Variants in ASTL observed in about 807,000 individuals in gnomAD.
The protein encoded by ASTL is astacin-like metalloendopeptidase.
Under a neutral mutation model 36.7 loss-of-function variants are expected in ASTL, and 27 were observed. The ratio of observed to expected loss-of-function variants is 0.73; its 90% CI spans 0.54 to 1.01. ASTL has a LOEUF of 1.01. ASTL is among the 50% of genes least tolerant of loss of function. The probability of loss-of-function intolerance (pLI) is 0.00; values close to 1 mark genes in which losing one functional copy is unlikely to be tolerated. For synonymous variants in ASTL, 222 were observed against 228.1 expected, an observed-to-expected ratio of 0.97 and a Z score of 0.24; for missense variants, 524 against 572.8, an observed-to-expected ratio of 0.91 and a Z score of 0.87.
intron 1 of ASTL, among the ~76,000 whole-genome samples, chr2:96,137,941 C>A (rs1489886566): frequency 1.3e-5 from 2 of 152,200 alleles, no homozygotes; most frequent in Non-Finnish European, 2.9e-5. Flanking sequence ...CCATGTGCCC[C>A]ACCTATGAGG....
In ASTL at chr2:96,134,007, T is replaced by C. The variant is rs749857645; in HGVS notation, c.295A>G (p.Ser99Gly). 8 of 1,613,952 alleles carry C rather than the reference T, an allele frequency of 5.0e-6. No homozygotes were observed. The highest frequency in any genetic ancestry group is 1.7e-5 in the Admixed American group (1 of 60,020). Residue 99 changes from serine (S) to glycine (G), a missense_variant, in exon 4 of 9, where the codon AGT becomes GGT. Ser to Gly is a moderately conservative substitution (Grantham distance 56). Coordinates refer to ENST00000342380, the MANE Select transcript of ASTL (RefSeq NM_001002036.4). ...AGGAAGGGGACCTCCACGACACCAC[T>C]ACCACCCATGGGCCATTTGTTGCTG... ...ATSNKWPMGG[S>G]GVVEVPFLLS...
Position 96,132,504 on chromosome 2 carries a change from C to T in ASTL, c.637+36G>A, listed in dbSNP as rs1227361245. Reference sequence around the variant, plus strand: ...GGGCCCAAGCCGTGCTGTCCCCTCCCCGGCACCAGCCTGTCCTGCGTGTGG... The same window carrying T: ...GGGCCCAAGCCGTGCTGTCCCCTCCTCGGCACCAGCCTGTCCTGCGTGTGG... On this transcript the variant is annotated intron_variant, in intron 6 of 8. Coordinates refer to ENST00000342380, the MANE Select transcript of ASTL (RefSeq NM_001002036.4). This position sits in a 1 kb window ranked among gnomAD's most constrained non-coding sequence, Gnocchi z 5.4. The T allele has an allele frequency of 6.5e-7, 1 of 1,547,538 alleles. No individual in the cohort carries two copies. The highest frequency in any genetic ancestry group is 1.2e-5 in the South Asian group (1 of 83,716).
chr2:96,133,444 AAATG>A lies in ASTL; in HGVS notation c.432_435del (p.Ile145ProfsTer82). 6.2e-7 allele frequency: 1 copy of A among 1,612,172 alleles called. No individual in the cohort carries two copies. Among genetic ancestry groups the A allele is most frequent in the Non-Finnish European group, 8.5e-7 (1 of 1,178,192 alleles). ...ACTTACCCATACATGGGGATGATGG[AAATG>A]AAGTCTCTCTGGTCCTGATAGGTGA... On this transcript the variant is annotated frameshift_variant, in exon 5 of 9. Coordinates refer to ENST00000342380, the MANE Select transcript of ASTL (RefSeq NM_001002036.4). LOFTEE classifies it high-confidence loss of function.
intron 3 of ASTL, among the ~76,000 whole-genome samples, chr2:96,134,352 C>T (rs1209000153): frequency 6.6e-6 from 1 of 152,234 alleles, no homozygotes; most frequent in Non-Finnish European, 1.5e-5. Context: ...CCCCAGGGTG[C>T]CCTGAATCAG....
intron 8 of ASTL, among the ~76,000 whole-genome samples, chr2:96,125,070 C>T (rs139793039): frequency 1.3e-3 from 196 of 152,304 alleles, no homozygotes; most frequent in African/African-American, 4.6e-3. Context: ...TGAGGTAGCG[C>T]GGCTCTGCAG....
chr2:96,126,454 T>G (rs530638446), intron 8 of ASTL, among the ~76,000 whole-genome samples: 5 of 152,226 alleles, frequency 3.3e-5, no homozygotes, highest in African/African-American at 1.2e-4. Context: ...GAGATACTAC[T>G]TCACACTCAC....
At chr2:96,131,187 G>T (rs1209635424) in intron 6 of ASTL, among the ~76,000 whole-genome samples, 1 of 152,066 alleles carries the variant, frequency 6.6e-6, no homozygotes, top group Non-Finnish European at 1.5e-5. Flanking sequence ...ATTTAACTTG[G>T]GTTGACATGC....
At chr2:96,125,294 ATCT>A (rs1483757784) in intron 8 of ASTL, among the ~76,000 whole-genome samples, 1 of 152,070 alleles carries the variant, frequency 6.6e-6, no homozygotes, top group Admixed American at 6.5e-5. Flanking sequence ...GCGGAGGCAC[ATCT>A]TCTCCTTTGT....
rs1682208246 is a variant in ASTL, at chr2:96,132,695, C to T, written c.482G>A (p.Gly161Glu). 6.2e-7 allele frequency: 1 copy of T among 1,612,150 alleles called. No individual in the cohort carries two copies. Among genetic ancestry groups the T allele is most frequent in the Admixed American group, 1.7e-5 (1 of 59,956 alleles). The change falls in exon 6 of 9, where the codon GGA (glycine) becomes GAA (glutamate). Residue 161 changes from glycine to glutamate, a missense_variant. Physicochemically the swap from Gly to Glu is moderately conservative, Grantham distance 98. Transcript: ENST00000342380. This position sits in a 1 kb window ranked among gnomAD's most constrained non-coding sequence, Gnocchi z 5.4. ...CGCCAGGGAGACCACCTGCATCCCT[C>T]CACTGCGCCCCACACTCGAGAAGCA... ...YGCFSSVGRS[G>E]GMQVVSLAPT...
chr2:96,129,962 G>A lies in ASTL; in HGVS notation c.736C>T (p.Arg246Cys), dbSNP rs543411711. ...MHYGRLAFSRRGLPTITPLWA... is the reference protein window; with the variant it reads ...MHYGRLAFSRCGLPTITPLWA... ...AGTGGTGTGATGGTGGGCAGCCCAC[G>A]CCGGCTGAAGGCGAGCCTGGAACCC... Residue 246 changes from arginine to cysteine, a missense_variant, in exon 8 of 9, where the codon CGT becomes TGT. Coordinates refer to ENST00000342380, the MANE Select transcript of ASTL (RefSeq NM_001002036.4). The A allele has an allele frequency of 9.7e-5, 155 of 1,603,666 alleles. No individual in the cohort carries two copies. The highest frequency in any genetic ancestry group is 1.2e-4 in the Non-Finnish European group (141 of 1,171,878).
intron 1 of ASTL, among the ~76,000 whole-genome samples, chr2:96,138,131 C>T (rs1286212624): frequency 6.6e-6 from 1 of 152,176 alleles, no homozygotes; most frequent in Non-Finnish European, 1.5e-5. Flanking sequence ...CAGCCTACCC[C>T]CACCCCAAGA....
intron 8 of ASTL, 58 bp downstream of exon 8, chr2:96,129,766 C>A: frequency 6.7e-7 from 1 of 1,482,096 alleles, no homozygotes; most frequent in Non-Finnish European, 9.0e-7. Flanking sequence ...CTCCCTGACA[C>A]CATTAGAGCA....
chr2:96,138,363 G>A lies in ASTL; in HGVS notation c.55+19C>T, dbSNP rs752339777. 2.5e-6 allele frequency: 4 copies of A among 1,600,920 alleles called. No individual in the cohort carries two copies. The highest frequency in any genetic ancestry group is 8.5e-7 in the Non-Finnish European group (1 of 1,172,896). ...TCCAGGCTGGAGCCAGCAGCAGGAG[G>A]GACAGGCAGCCAGCTTACCTGGCAA... is the stretch of plus-strand genomic sequence containing the variant. On this transcript the variant is annotated intron_variant, in intron 1 of 8. Transcript: ENST00000342380.
chr2:96,129,688 C>T (rs538843446), intron 8 of ASTL, 136 bp downstream of exon 8: 197 of 727,322 alleles, frequency 2.7e-4, no homozygotes, highest in Non-Finnish European at 3.6e-4. Flanking sequence ...GCTTGTTCTG[C>T]GTCGTTGTGG....
rs757663123 is a variant in ASTL at position 96,130,156 on chromosome 2, A to C, written c.638-11T>G. On this transcript the variant is annotated splice_polypyrimidine_tract_variant and intron_variant, in intron 6 of 8. Coordinates refer to ENST00000342380, the MANE Select transcript of ASTL (RefSeq NM_001002036.4). ...AGTTGATTTCAAAGCCTAAAAATAC[A>C]AAAACAATACAACTTACTGATATAT... The C allele has an allele frequency of 2.5e-5, 40 of 1,605,008 alleles. No individual in the cohort carries two copies. The highest frequency in any genetic ancestry group is 3.4e-5 in the Non-Finnish European group (40 of 1,171,762).
intron 6 of ASTL, among the ~76,000 whole-genome samples, chr2:96,130,990 T>C (rs2104770336): frequency 6.6e-6 from 1 of 152,370 alleles, no homozygotes; most frequent in South Asian, 2.1e-4. Flanking sequence ...TATTAATGTG[T>C]CTGCCCTGGC....
intron 8 of ASTL, among the ~76,000 whole-genome samples, chr2:96,129,374 T>C (rs1408103231): frequency 6.6e-6 from 1 of 152,222 alleles, no homozygotes; most frequent in African/African-American, 2.4e-5. Flanking sequence ...TTCTAATAAC[T>C]TGTTTATAGA....
chr2:96,123,307 G>T lies in ASTL; in HGVS notation c.*543C>A, dbSNP rs1364555909. On this transcript the variant is annotated 3_prime_UTR_variant, in exon 9 of 9. Coordinates refer to ENST00000342380, the MANE Select transcript of ASTL (RefSeq NM_001002036.4). ...ACCTACCACCTTCCTGCTCTGCAGG[G>T]GAGTAAGTTGGGCTCTCAAAGCCTC... Among the ~76,000 whole-genome samples the T allele has an allele frequency of 6.6e-6, 1 of 152,240 alleles. No individual in the cohort carries two copies. The highest frequency in any genetic ancestry group is 2.4e-5 in the African/African-American group (1 of 41,466).
intron 1 of ASTL, 160 bp from the exon 2 acceptor site, chr2:96,137,860 G>T: frequency 4.3e-6 from 3 of 696,914 alleles, no homozygotes; most frequent in Non-Finnish European, 7.0e-6. Context: ...CAGCCTCCCT[G>T]CTCAACCCCA....
Sources: allele counts gnomAD v4.1 joint callset (sites outside exome capture counted in the v4.1 genomes callset), GRCh38; gene constraint gnomAD v4.1.1; non-coding constraint Gnocchi (gnomAD v3.1); transcripts MANE v1.5; gene names NCBI Gene and HGNC (gene_info 2026-07-23, HGNC 2026-07-21).